Variants in CRX observed in about 807,000 individuals in gnomAD.
The protein encoded by CRX is cone-rod homeobox.
In CRX, 5 loss-of-function variants were observed where a neutral mutation model predicts 13.1. The ratio of observed to expected loss-of-function variants is 0.38; its 90% confidence interval spans 0.20 to 0.80. CRX has a LOEUF of 0.80. Among genes scored for constraint, CRX ranks in the 30% least tolerant of loss-of-function variants. The probability of loss-of-function intolerance (pLI) is 0.43; values close to 1 mark genes in which losing one functional copy is unlikely to be tolerated. For missense variants in CRX, 351 were observed against 391.8 expected (o/e 0.90, Z 0.88); for synonymous variants, 179 against 171.1 (o/e 1.05, Z -0.36).
chr19:47,841,945 G>C lies in CRX; in HGVS notation c.*1978G>C, dbSNP rs1046017813. 2.0e-5 allele frequency: 3 copies of C among 152,200 alleles called. No individual in the cohort carries two copies. Among genetic ancestry groups the C allele is most frequent in the South Asian group, 2.1e-4 (1 of 4,826 alleles). 9.4% of individuals were successfully genotyped at this position (152,200 alleles called of 1,614,324 possible). On this transcript the variant is annotated 3_prime_UTR_variant, in exon 4 of 4. Transcript: ENST00000221996. The stretch of plus-strand genomic sequence containing the variant: ...AAGGAAGAGGAAAAGGTTGGTTGTG[G>C]AGTGTTTGTCAGTTTCCGTGGTGTA...
chr19:47,827,537 C>CTTTTTTTTT (rs71180887), intron 1 of CRX, among the ~76,000 whole-genome samples: 7 of 90,354 alleles, frequency 7.7e-5, no homozygotes, highest in Non-Finnish European at 8.3e-5. Flanking sequence ...TTTCTGAAGG[C>CTTTTTTTTT]TTTTTTTTTT....
chr19:47,822,399 T>A (rs1967922910), intron 1 of CRX, among the ~76,000 whole-genome samples: 1 of 152,200 alleles, frequency 6.6e-6, no homozygotes, highest in African/African-American at 2.4e-5. Flanking sequence ...GCCTGAAATT[T>A]TCATTTGCGC....
chr19:47,833,737 C>T (rs1353568840), intron 1 of CRX, among the ~76,000 whole-genome samples: 1 of 151,264 alleles, frequency 6.6e-6, no homozygotes, highest in Non-Finnish European at 1.5e-5. Flanking sequence ...AACCTGCAGT[C>T]CTGGGTTATA....
intron 3 of CRX, among the ~76,000 whole-genome samples, chr19:47,838,054 G>A (rs1968140709): frequency 6.6e-6 from 1 of 152,022 alleles, no homozygotes; most frequent in African/African-American, 2.4e-5. Context: ...TTGTGTGATT[G>A]TATGCACATA....
At position 47,834,460 on chromosome 19, in the gene CRX, A is replaced by G. The variant is rs1230960052; in HGVS notation, c.17A>G (p.Asn6Ser). Residue 6 changes from asparagine (N) to serine (S), a missense_variant, in exon 2 of 4, where the codon AAC (asparagine) becomes AGC (serine). By Grantham distance (46) the Asn-to-Ser change is conservative. This residue lies in a region of CRX where 95 missense variants were observed against 106.7 expected (regional missense o/e 0.89). Coordinates refer to ENST00000221996, the MANE Select transcript of CRX (RefSeq NM_000554.6). MMAYM[N>S]PGPHYSVNAL... The stretch of plus-strand genomic sequence containing the variant: ...CCGAAGATCATGATGGCGTATATGA[A>G]CCCGGGGCCCCACTATTCTGTCAAC... The G allele has an allele frequency of 6.2e-7, 1 of 1,614,064 alleles. No individual in the cohort carries two copies. Among genetic ancestry groups the G allele is most frequent in the East Asian group, 2.2e-5 (1 of 44,872 alleles).
chr19:47,824,445 C>T (rs1967950711), intron 1 of CRX, among the ~76,000 whole-genome samples: 1 of 152,224 alleles, frequency 6.6e-6, no homozygotes, highest in Admixed American at 6.5e-5. Context: ...CTCTCAGCCT[C>T]AGTTTCCTTC....
At position 47,840,267 on chromosome 19, in the gene CRX, CT is replaced by C; in HGVS notation, c.*302del. 1 of 397,918 alleles carries C rather than the reference CT, an allele frequency of 2.5e-6. No homozygotes were observed. Among genetic ancestry groups the C allele is most frequent in the South Asian group, 2.9e-5 (1 of 34,108 alleles). The allele number at this position is 397,918 out of a possible 1,614,324, so 24.6% of individuals were successfully genotyped here. A position where few individuals can be genotyped will look rare whatever the true frequency, so the allele number is the denominator to read the frequency against. The stretch of plus-strand genomic sequence containing the variant: ...AGGCTTCAGAAAGTGGTGCTGAGAA[CT>C]TGCTCCAAGAAGAAGTCAAACCAAA... On this transcript the variant is annotated 3_prime_UTR_variant, in exon 4 of 4. Transcript: ENST00000221996.
At chr19:47,823,437 A>G (rs1967935983) in intron 1 of CRX, among the ~76,000 whole-genome samples, 3 of 152,034 alleles carry the variant, frequency 2.0e-5, no homozygotes, top group Admixed American at 1.3e-4. Flanking sequence ...CACGGAGTTG[A>G]TTTGCTCAGG....
At chr19:47,822,231 G>C (rs1453156969) in intron 1 of CRX, among the ~76,000 whole-genome samples, 1 of 152,220 alleles carries the variant, frequency 6.6e-6, no homozygotes, top group Non-Finnish European at 1.5e-5. Flanking sequence ...GGGACTGGCT[G>C]ATGGCACTCG....
At chr19:47,831,708 T>A (rs4427918) in intron 1 of CRX, among the ~76,000 whole-genome samples, 1 of 151,898 alleles carries the variant, frequency 6.6e-6, no homozygotes. Context: ...TGCTGTCAGC[T>A]TTTTTTGTCT....
intron 2 of CRX, among the ~76,000 whole-genome samples, chr19:47,835,153 C>A (rs1013329436): frequency 6.6e-6 from 1 of 152,088 alleles, no homozygotes; most frequent in East Asian, 1.9e-4. Flanking sequence ...CGCCACCATG[C>A]CTGGCTAACT....
chr19:47,839,742 G>C lies in CRX; in HGVS notation c.675G>C (p.Met225Ile), dbSNP rs751392467. 1.2e-6 allele frequency: 2 copies of C among 1,613,988 alleles called. No homozygotes were observed. The highest frequency in any genetic ancestry group is 1.7e-6 in the Non-Finnish European group (2 of 1,179,970). Residue 225 changes from methionine to isoleucine, a missense_variant, in exon 4 of 4, where the codon ATG becomes ATC. This residue lies in a region of CRX where 253 missense variants were observed against 268.3 expected (regional missense o/e 0.94). Coordinates refer to ENST00000221996, the MANE Select transcript of CRX (RefSeq NM_000554.6). This position sits in a 1 kb window ranked among gnomAD's most constrained non-coding sequence, Gnocchi z 4.6. ...GCCTAGACCCCTACCTTTCTCCCAT[G>C]GTGCCCCAGCTAGGGGGCCCGGCTC... is the stretch of plus-strand genomic sequence containing the variant. ...FSGLDPYLSPMVPQLGGPALS... is the reference protein window; with the variant it reads ...FSGLDPYLSPIVPQLGGPALS...
chr19:47,824,452 C>T (rs543973351), intron 1 of CRX, among the ~76,000 whole-genome samples: 60 of 152,308 alleles, frequency 3.9e-4, no homozygotes, highest in Admixed American at 2.4e-3. Context: ...CCTCAGTTTC[C>T]TTCTCTGTAA....
chr19:47,823,710 C>T (rs1967940410), intron 1 of CRX, among the ~76,000 whole-genome samples: 2 of 145,484 alleles, frequency 1.4e-5, no homozygotes, highest in Admixed American at 7.0e-5. Context: ...AGTGCAGTGG[C>T]ATGACCTCAG....
rs1968180923 is a variant in CRX, at chr19:47,840,454, T to G, written c.*487T>G. On this transcript the variant is annotated 3_prime_UTR_variant, in exon 4 of 4. Coordinates refer to ENST00000221996, the MANE Select transcript of CRX (RefSeq NM_000554.6). ...TCTAGCTCTGTCGCCCAGGCTGGAG[T>G]GCAGTGGCACGATCTCAGCTCACTG... 1 of 169,276 alleles carries G rather than the reference T, an allele frequency of 5.9e-6. No homozygotes were observed. The highest frequency in any genetic ancestry group is 1.7e-4 in the East Asian group (1 of 5,982). The allele number at this position is 169,276 out of a possible 1,614,324, so 10.5% of individuals were successfully genotyped here.
intron 1 of CRX, among the ~76,000 whole-genome samples, chr19:47,829,329 A>C (rs1968015552): frequency 6.6e-6 from 1 of 151,282 alleles, no homozygotes; most frequent in Non-Finnish European, 1.5e-5. Context: ...AATTTACTTT[A>C]TTATTATGAC....
At chr19:47,838,042 G>A (rs537796027) in intron 3 of CRX, among the ~76,000 whole-genome samples, 53 of 152,206 alleles carry the variant, frequency 3.5e-4, no homozygotes, top group African/African-American at 1.2e-3. Flanking sequence ...AAATATGTAT[G>A]TTTGTGTGAT....
rs1968184432 is a variant in CRX, at chr19:47,840,676, TACAGGCGTGAGCC to T, written c.*712_*724del. Reference sequence around the variant, plus strand: ...CCTCGGCCTCCCAAAGTGCTAGGATTACAGGCGTGAGCCACCGCGCCCGGCCCTTTTTTTTTTT... The same window carrying T: ...CCTCGGCCTCCCAAAGTGCTAGGATTACCGCGCCCGGCCCTTTTTTTTTTT... On this transcript the variant is annotated 3_prime_UTR_variant, in exon 4 of 4. Transcript: ENST00000221996. The T allele has an allele frequency of 6.7e-6, 1 of 148,904 alleles. No individual in the cohort carries two copies. The highest frequency in any genetic ancestry group is 1.5e-5 in the Non-Finnish European group (1 of 67,590). 9.2% of individuals were successfully genotyped at this position (148,904 alleles called of 1,614,324 possible). A position where few individuals can be genotyped will look rare whatever the true frequency, so the allele number is the denominator to read the frequency against.
rs530140304 is a variant in CRX, at chr19:47,823,723, C to T, written c.-36+1713C>T. On this transcript the variant is annotated intron_variant, in intron 1 of 3. Transcript: ENST00000221996. ...GGAGTGCAGTGGCATGACCTCAGCT[C>T]AGTGCAACCTCCACCTCCCAGGTTC... 8.6e-5 allele frequency among the ~76,000 whole-genome samples: 13 copies of T among 150,818 alleles called. No homozygotes were observed. In the East Asian group the frequency reaches 2.5e-3, roughly 29 times the overall value.
Sources: allele counts gnomAD v4.1 joint callset (sites outside exome capture counted in the v4.1 genomes callset), GRCh38; gene constraint gnomAD v4.1.1; regional missense constraint gnomAD v4.1.1; non-coding constraint Gnocchi (gnomAD v3.1); transcripts MANE v1.5; gene names NCBI Gene and HGNC (gene_info 2026-07-23, HGNC 2026-07-21).